The following CFB variants were observed in gnomAD, a reference collection of about 807,000 sequenced individuals.
CFB encodes complement factor B, also known as B-factor, properdin.
CFB carries 59 observed loss-of-function variants against 97.2 expected under a neutral mutation model. The ratio of observed to expected loss-of-function variants is 0.61; its 90% confidence interval spans 0.49 to 0.75. CFB has a LOEUF of 0.75. Among genes scored for constraint, CFB ranks in the 30% least tolerant of loss-of-function variants. The pLI is 0.00. For missense variants in CFB, 771 were observed against 959.8 expected, an observed-to-expected ratio of 0.80 and a Z score of 2.60; for synonymous variants, 316 against 351.7, an observed-to-expected ratio of 0.90 and a Z score of 1.14.
rs1464724821 is a variant in CFB at position 31,947,378 on chromosome 6, T to C, written c.515T>C (p.Ile172Thr). ...TACTGCTCCAACCCGGGCATCCCCA[T>C]TGGCACAAGGAAGGTGGGCAGCCAG... Reference protein sequence around the residue: ...AGYCSNPGIPIGTRKVGSQYR... With the variant: ...AGYCSNPGIPTGTRKVGSQYR... The change falls in exon 4 of 18, where the codon ATT becomes ACT. Residue 172 changes from isoleucine to threonine, a missense_variant. Transcript: ENST00000425368. The surrounding 1 kb of genome is among the most constrained non-coding windows in gnomAD (Gnocchi z 5.3). 14 of 1,612,994 alleles carry C rather than the reference T, an allele frequency of 8.7e-6. No homozygotes were observed. In the South Asian group the frequency reaches 1.5e-4, roughly 18 times the overall value.
chr6:31,949,784 G>T (rs1029048752), intron 10 of CFB: 6 of 703,204 alleles, frequency 8.5e-6, no homozygotes, highest in Non-Finnish European at 1.4e-5. Flanking sequence ...TTGACACGTG[G>T]AAACAGAAGC....
Position 31,946,804 on chromosome 6 carries a change from C to A in CFB, c.298+198C>A. The A allele has an allele frequency of 1.3e-6, 1 of 781,708 alleles. No homozygotes were observed. The highest frequency in any genetic ancestry group is 2.2e-6 in the Non-Finnish European group (1 of 460,834). The allele number at this position is 781,708 out of a possible 1,614,324, so 48.4% of individuals were successfully genotyped here. A position where few individuals can be genotyped will look rare whatever the true frequency, so the allele number is the denominator to read the frequency against. ...TAAGCATTTACCCTGGGCTTCCAGGCAGCCCTGGAAGTCAAGAGAACACTC... is the reference window on the plus strand; with the variant it reads ...TAAGCATTTACCCTGGGCTTCCAGGAAGCCCTGGAAGTCAAGAGAACACTC... On this transcript the variant is annotated intron_variant, in intron 2 of 17. Transcript: ENST00000425368. The surrounding 1 kb of genome is among the most constrained non-coding windows in gnomAD (Gnocchi z 6.4).
Position 31,950,035 on chromosome 6 carries a change from C to G in CFB, c.1409-15C>G. ...AAGTGTTCCGAGTTTTCAGCACATT[C>G]TCCTTCTCTGCCAGATGAAAGCCAG... On this transcript the variant is annotated splice_polypyrimidine_tract_variant and intron_variant, in intron 10 of 17. Transcript: ENST00000425368. The G allele has an allele frequency of 6.2e-7, 1 of 1,612,396 alleles. No individual in the cohort carries two copies. Among genetic ancestry groups the G allele is most frequent in the East Asian group, 2.2e-5 (1 of 44,888 alleles).
intron 14 of CFB, 28 bp downstream of exon 14, chr6:31,950,972 G>A (rs1771725706): frequency 3.1e-6 from 5 of 1,610,924 alleles, no homozygotes; most frequent in Non-Finnish European, 3.4e-6. Flanking sequence ...AGAGGATAAG[G>A]ATGAGATCCC....
chr6:31,948,802 G>A, intron 7 of CFB, 28 bp from the exon 8 acceptor site: 1 of 1,613,040 alleles, frequency 6.2e-7, no homozygotes, highest in South Asian at 1.1e-5. Context: ...AAGACCAGGT[G>A]AGGTGATGGT....
Position 31,947,066 on chromosome 6 carries a change from T to A in CFB, c.358T>A (p.Tyr120Asn). The A allele has an allele frequency of 6.2e-7, 1 of 1,613,030 alleles. No individual in the cohort carries two copies. Among genetic ancestry groups the A allele is most frequent in the Non-Finnish European group, 8.5e-7 (1 of 1,180,008 alleles). The change falls in exon 3 of 18, where the codon TAC becomes AAC. Residue 120 changes from tyrosine to asparagine, a missense_variant. By Grantham distance (143) the Tyr-to-Asn change is moderately radical (BLOSUM62 -2). Coordinates refer to ENST00000425368, the MANE Select transcript of CFB (RefSeq NM_001710.6). The surrounding 1 kb of genome is among the most constrained non-coding windows in gnomAD (Gnocchi z 5.3). Reference protein sequence around the residue: ...ENGEYWPRSPYYNVSDEISFH... With the variant: ...ENGEYWPRSPNYNVSDEISFH... ...CGGGGAATACTGGCCCCGGTCTCCC[T>A]ACTACAATGTGAGTGATGAGATCTC...
rs375465156 is a variant in CFB, at chr6:31,951,333, C to T, written c.1957-8C>T. The T allele has an allele frequency of 6.8e-6, 11 of 1,614,032 alleles. No homozygotes were observed. Among genetic ancestry groups the T allele is most frequent in the Non-Finnish European group, 8.5e-6 (10 of 1,180,044 alleles). On this transcript the variant is annotated splice_polypyrimidine_tract_variant and splice_region_variant and intron_variant, in intron 15 of 17. Transcript: ENST00000425368. The surrounding 1 kb of genome is among the most constrained non-coding windows in gnomAD (Gnocchi z 4.3). ...ATTACTTCTCCATGCTTCCCACCTC[C>T]CCTACAGAAAGGCAGCTGTGAGAGA...
At position 31,950,623 on chromosome 6, in the gene CFB, G is replaced by A; in HGVS notation, c.1629G>A (p.Gly543=). Residue 543 remains glycine, a synonymous_variant, in exon 13 of 18, where the codon GGG becomes GGA. Coordinates refer to ENST00000425368, the MANE Select transcript of CFB (RefSeq NM_001710.6). The part of the protein sequence containing the change: ...KEHSIKVSVG[G]EKRDLEIEVV... ...GTACCTACTCTCCTACTTCAGGAGG[G>A]GAGAAGCGGGACCTGGAGATAGAAG... The A allele has an allele frequency of 6.2e-7, 1 of 1,612,994 alleles. No individual in the cohort carries two copies.
Position 31,948,604 on chromosome 6 carries a change from G to A in CFB, c.1036+92G>A, listed in dbSNP as rs937634853. The A allele has an allele frequency of 4.2e-5, 67 of 1,583,178 alleles. No homozygotes were observed. In the African/African-American group the frequency reaches 6.3e-4, roughly 15 times the overall value. On this transcript the variant is annotated intron_variant, in intron 7 of 17. Coordinates refer to ENST00000425368, the MANE Select transcript of CFB (RefSeq NM_001710.6). Reference sequence around the variant, plus strand: ...GAGACTACCTTGAGGGCGACAGGGAGGACCACTTTGTAGTCAAAAGTTGAA... The same window carrying A: ...GAGACTACCTTGAGGGCGACAGGGAAGACCACTTTGTAGTCAAAAGTTGAA...
intron 8 of CFB, 59 bp from the exon 9 acceptor site, chr6:31,949,184 T>C: frequency 3.2e-6 from 5 of 1,573,068 alleles, no homozygotes; most frequent in Non-Finnish European, 4.4e-6. Flanking sequence ...TGTGTATCCC[T>C]GCCTTTAGCC....
Position 31,950,148 on chromosome 6 carries a change from G to GT in CFB, c.1506+2dup. ...ATGGCAGGCCAAGATCTCAGTCATT[G>GT]TAAGCACAGAATCCCAGTAGTGGGG... On this transcript the variant is annotated splice_donor_variant, in intron 11 of 17. Coordinates refer to ENST00000425368, the MANE Select transcript of CFB (RefSeq NM_001710.6). LOFTEE classifies it high-confidence loss of function. 6.2e-7 allele frequency: 1 copy of GT among 1,613,026 alleles called. No homozygotes were observed. Among genetic ancestry groups the GT allele is most frequent in the Non-Finnish European group, 8.5e-7 (1 of 1,180,008 alleles).
intron 12 of CFB, 25 bp from the exon 13 acceptor site, chr6:31,950,594 G>A (rs1771697738): frequency 6.2e-7 from 1 of 1,612,822 alleles, no homozygotes; most frequent in South Asian, 1.1e-5. Flanking sequence ...CCCACAAAGA[G>A]GTGGTACCTA....
At chr6:31,950,827 GA>G (rs756091491) in intron 13 of CFB, 40 bp from the exon 14 acceptor site, 23 of 1,613,020 alleles carry the variant, frequency 1.4e-5, no homozygotes, top group Non-Finnish European at 1.8e-5. Flanking sequence ...GGACTGGGGT[GA>G]GGAGCAGGCC....
Position 31,948,098 on chromosome 6 carries a change from C to CCTGAACT in CFB, c.897+19_897+25dup. On this transcript the variant is annotated intron_variant, in intron 6 of 17. Transcript: ENST00000425368. ...ATTGAGAAGGTGGAATCCTCCTATC[C>CCTGAACT]CTGAACTCGGGGGAATGGAATCTCG... The CCTGAACT allele has an allele frequency of 6.2e-7, 1 of 1,608,246 alleles. No individual in the cohort carries two copies. Among genetic ancestry groups the CCTGAACT allele is most frequent in the Non-Finnish European group, 8.5e-7 (1 of 1,175,796 alleles).
chr6:31,949,196 G>C, intron 8 of CFB, 47 bp from the exon 9 acceptor site: 1 of 1,600,438 alleles, frequency 6.2e-7, no homozygotes, highest in South Asian at 1.1e-5. Context: ...CCTTTAGCCA[G>C]TTTATCTTCC....
At chr6:31,950,527 C>T in intron 12 of CFB, 92 bp from the exon 13 acceptor site, 1 of 1,592,092 alleles carries the variant, frequency 6.3e-7, no homozygotes, top group Non-Finnish European at 8.6e-7. Context: ...CCAGACCAGT[C>T]AGGGATGGGG....
Position 31,946,125 on chromosome 6 carries a change from G to C in CFB, c.-97G>C. On this transcript the variant is annotated 5_prime_UTR_variant, in exon 1 of 18. Coordinates refer to ENST00000425368, the MANE Select transcript of CFB (RefSeq NM_001710.6). The surrounding 1 kb of genome is among the most constrained non-coding windows in gnomAD (Gnocchi z 6.4). ...GGGAATGTGACCAGGTCTAGGTCTGGAGTTTCAGCTTGGACACTGAGCCAA... is the reference window on the plus strand; with the variant it reads ...GGGAATGTGACCAGGTCTAGGTCTGCAGTTTCAGCTTGGACACTGAGCCAA... 8.1e-7 allele frequency: 1 copy of C among 1,235,596 alleles called. No homozygotes were observed. The highest frequency in any genetic ancestry group is 1.2e-5 in the South Asian group (1 of 83,442). 76.5% of individuals were successfully genotyped at this position (1,235,596 alleles called of 1,614,324 possible).
chr6:31,951,243 A>C lies in CFB; in HGVS notation c.1955A>C (p.Lys652Thr). The C allele has an allele frequency of 6.2e-7, 1 of 1,613,202 alleles. No homozygotes were observed. Among genetic ancestry groups the C allele is most frequent in the South Asian group, 1.1e-5 (1 of 91,084 alleles). The change falls in exon 15 of 18, where the codon AAG (lysine) becomes ACG (threonine). Residue 652 changes from lysine (K) to threonine (T), a missense_variant and splice_region_variant. Physicochemically the swap from Lys to Thr is moderately conservative, Grantham distance 78. Transcript: ENST00000425368. The surrounding 1 kb of genome is among the most constrained non-coding windows in gnomAD (Gnocchi z 4.3). ...GAGGTCTACATCAAGAATGGGGATA[A>C]GGTGAGAAACGGGCATCCTAAGGAG... Reference protein sequence around the residue: ...RKEVYIKNGDKKGSCERDAQY... With the variant: ...RKEVYIKNGDTKGSCERDAQY...
At position 31,946,848 on chromosome 6, in the gene CFB, G is replaced by A; in HGVS notation, c.299-159G>A. The A allele has an allele frequency of 2.4e-6, 2 of 823,698 alleles. No individual in the cohort carries two copies. Among genetic ancestry groups the A allele is most frequent in the Non-Finnish European group, 4.0e-6 (2 of 496,098 alleles). 51.0% of individuals were successfully genotyped at this position (823,698 alleles called of 1,614,324 possible). A position where few individuals can be genotyped will look rare whatever the true frequency, so the allele number is the denominator to read the frequency against. On this transcript the variant is annotated intron_variant, in intron 2 of 17. Coordinates refer to ENST00000425368, the MANE Select transcript of CFB (RefSeq NM_001710.6). The surrounding 1 kb of genome is among the most constrained non-coding windows in gnomAD (Gnocchi z 6.4). The stretch of plus-strand genomic sequence containing the variant: ...AACACTCAGAAATGGGGAGGGAGAA[G>A]CAGTGGAAATCCATATGGGTTGAGG...
Sources: allele counts gnomAD v4.1 joint callset, GRCh38; gene constraint gnomAD v4.1.1; non-coding constraint Gnocchi (gnomAD v3.1); transcripts MANE v1.5; gene names NCBI Gene and HGNC (gene_info 2026-07-23, HGNC 2026-07-21).